Variants in STK39 observed in about 807,000 individuals in gnomAD.
The protein encoded by STK39 is STE20/SPS1-related proline-alanine-rich protein kinase.
Under a neutral mutation model 77.8 loss-of-function variants are expected in STK39, and 20 were observed. That is an observed-to-expected ratio of 0.26 (90% CI 0.18 to 0.37). The LOEUF is 0.37. Ranked by LOEUF, STK39 falls within the 10% of genes least tolerant of loss-of-function variation. The pLI is 1.00. For synonymous variants in STK39, 246 were observed against 234.1 expected, an observed-to-expected ratio of 1.05 and a Z score of -0.47; for missense variants, 479 against 656.5, an observed-to-expected ratio of 0.73 and a Z score of 2.95.
chr2:168,168,743 C>G (rs1321118972), intron 2 of STK39, among the ~76,000 whole-genome samples: 1 of 152,210 alleles, frequency 6.6e-6, no homozygotes, highest in Non-Finnish European at 1.5e-5. Context: ...GTAATCCCAA[C>G]ACTTTGGGAG....
rs114559946 is a variant in STK39, at chr2:168,229,610, C to T, written c.208+17618G>A. Among the ~76,000 whole-genome samples the T allele has an allele frequency of 1.7e-3, 261 of 152,206 alleles. 2 individuals carry two copies. Among genetic ancestry groups the T allele is most frequent in the African/African-American group, 6.0e-3 (251 of 41,532 alleles). ...GAATAAAATATTGCTGGATTGACTT[C>T]AAAGTAAAGAAACTTTCTTAATTAA... On this transcript the variant is annotated intron_variant, in intron 1 of 17. Transcript: ENST00000355999.
chr2:168,015,818 A>T (rs1327326016), intron 15 of STK39, among the ~76,000 whole-genome samples: 2 of 152,214 alleles, frequency 1.3e-5, no homozygotes, highest in Non-Finnish European at 2.9e-5. Flanking sequence ...CAAAATAGAT[A>T]GCTTTTTGAC....
At position 168,215,508 on chromosome 2, in the gene STK39, G is replaced by A. The variant is rs151192256; in HGVS notation, c.208+31720C>T. Among the ~76,000 whole-genome samples the A allele has an allele frequency of 7.2e-5, 11 of 152,304 alleles. No individual in the cohort carries two copies. In the East Asian group the frequency reaches 2.1e-3, roughly 29 times the overall value. On this transcript the variant is annotated intron_variant, in intron 1 of 17. Coordinates refer to ENST00000355999, the MANE Select transcript of STK39 (RefSeq NM_013233.3). ...CTCCTTGGACCTTCTGACTCCTCCAGCTACCATGCTAAAAACTCTACTTTT... is the reference window on the plus strand; with the variant it reads ...CTCCTTGGACCTTCTGACTCCTCCAACTACCATGCTAAAAACTCTACTTTT...
At chr2:168,052,685 G>A (rs548569447) in intron 14 of STK39, among the ~76,000 whole-genome samples, 1 of 152,182 alleles carries the variant, frequency 6.6e-6, no homozygotes, top group East Asian at 1.9e-4. Context: ...GCATAAAGGT[G>A]ATCTCTCATC....
intron 1 of STK39, among the ~76,000 whole-genome samples, chr2:168,206,607 T>C (rs1689750667): frequency 6.6e-6 from 1 of 152,166 alleles, no homozygotes; most frequent in Non-Finnish European, 1.5e-5. Context: ...GGCTGAGATC[T>C]AGACTCTTGA....
chr2:168,066,067 A>C (rs1685786638), intron 12 of STK39, among the ~76,000 whole-genome samples: 1 of 152,200 alleles, frequency 6.6e-6, no homozygotes, highest in African/African-American at 2.4e-5. Context: ...AGAAACAGCA[A>C]TGAAAATGAA....
intron 17 of STK39, among the ~76,000 whole-genome samples, chr2:167,960,620 A>G (rs1050075222): frequency 6.6e-6 from 1 of 150,852 alleles, no homozygotes; most frequent in African/African-American, 2.4e-5. Flanking sequence ...ATTCCTGAAC[A>G]CTCCATCTCC....
At chr2:168,098,637 C>T (rs1434060513) in intron 10 of STK39, among the ~76,000 whole-genome samples, 1 of 152,218 alleles carries the variant, frequency 6.6e-6, no homozygotes, top group Non-Finnish European at 1.5e-5. Context: ...TTTTTGCCAT[C>T]TGCAGCTGAC....
At chr2:168,029,712 G>A (rs1048471950) in intron 14 of STK39, among the ~76,000 whole-genome samples, 2 of 152,130 alleles carry the variant, frequency 1.3e-5, no homozygotes, top group South Asian at 2.1e-4. Context: ...TTTCTCCGAC[G>A]GGTATTTGAA....
chr2:168,140,126 C>T (rs547034275), intron 7 of STK39, among the ~76,000 whole-genome samples, 163 bp downstream of exon 7: 1 of 152,284 alleles, frequency 6.6e-6, no homozygotes, highest in South Asian at 2.1e-4. Flanking sequence ...TACTTTTGTC[C>T]TATTCTGTCC....
At chr2:168,225,377 T>A (rs549412042) in intron 1 of STK39, among the ~76,000 whole-genome samples, 4 of 151,938 alleles carry the variant, frequency 2.6e-5, no homozygotes, top group African/African-American at 9.7e-5. Flanking sequence ...GATAAAACTA[T>A]TGACATAGGA....
intron 16 of STK39, among the ~76,000 whole-genome samples, chr2:167,978,332 A>G (rs1683334264): frequency 6.6e-6 from 1 of 152,182 alleles, no homozygotes; most frequent in African/African-American, 2.4e-5. Context: ...CAAAATTTTC[A>G]GAGTTAAACT....
At chr2:168,243,828 AT>A (rs1690833621) in intron 1 of STK39, among the ~76,000 whole-genome samples, 1 of 152,140 alleles carries the variant, frequency 6.6e-6, no homozygotes, top group Non-Finnish European at 1.5e-5. Context: ...CCCCCAACAA[AT>A]AAACTAAGTT....
intron 5 of STK39, among the ~76,000 whole-genome samples, chr2:168,154,994 A>G (rs893908046): frequency 7.6e-5 from 11 of 144,600 alleles, no homozygotes; most frequent in African/African-American, 2.5e-4. Flanking sequence ...GTATTTGGTA[A>G]TATGTGAAAT....
intron 14 of STK39, among the ~76,000 whole-genome samples, chr2:168,039,195 A>T (rs1461025416): frequency 1.3e-5 from 2 of 152,224 alleles, no homozygotes; most frequent in Non-Finnish European, 2.9e-5. Flanking sequence ...CTTTAATCAA[A>T]GGGAATGCAA....
intron 14 of STK39, among the ~76,000 whole-genome samples, chr2:168,023,294 G>A (rs1242100045): frequency 6.8e-6 from 1 of 147,826 alleles, no homozygotes; most frequent in Non-Finnish European, 1.5e-5. Flanking sequence ...TCTATTTAAC[G>A]TGAGAAGTTC....
chr2:168,241,404 T>C (rs1044460709), intron 1 of STK39, among the ~76,000 whole-genome samples: 2 of 152,228 alleles, frequency 1.3e-5, no homozygotes, highest in African/African-American at 2.4e-5. Context: ...CCTCTCATAA[T>C]GGGCTGCTCC....
rs11898724 is a variant in STK39, at chr2:168,076,340, A to C, written c.1090-1109T>G. Among the ~76,000 whole-genome samples the C allele has an allele frequency of 2.2e-3, 333 of 152,340 alleles. 4 individuals carry two copies. Among genetic ancestry groups the C allele is most frequent in the African/African-American group, 7.8e-3 (323 of 41,582 alleles). On this transcript the variant is annotated intron_variant, in intron 10 of 17. Coordinates refer to ENST00000355999, the MANE Select transcript of STK39 (RefSeq NM_013233.3). ...TGCCACTGAACGATAACCACCAGCA[A>C]GAAGTTATCTAAAACTGTCCTTTGA...
intron 1 of STK39, among the ~76,000 whole-genome samples, chr2:168,220,843 C>A (rs1332543337): frequency 6.6e-6 from 1 of 152,152 alleles, no homozygotes; most frequent in Non-Finnish European, 1.5e-5. Context: ...CAGTTAAATA[C>A]CACCTTCAAT....
Sources: gnomAD v4.1 joint callset for allele counts (sites outside exome capture counted in the v4.1 genomes callset) on GRCh38, gnomAD v4.1.1 for gene constraint, MANE v1.5 for transcripts, NCBI Gene and HGNC (gene_info 2026-07-23, HGNC 2026-07-21) for gene names.